Variants in GLT1D1 observed in about 807,000 individuals in gnomAD.
GLT1D1 encodes the protein glycosyltransferase 1 domain-containing protein 1.
In GLT1D1, 21 loss-of-function variants were observed where a neutral mutation model predicts 28.7. The ratio of observed to expected loss-of-function variants is 0.73; its 90% CI spans 0.52 to 1.05. GLT1D1 has a LOEUF of 1.05. GLT1D1 is among the 50% of genes least tolerant of loss of function. The probability of loss-of-function intolerance (pLI) is 0.00; values close to 1 mark genes in which losing one functional copy is unlikely to be tolerated. For synonymous variants in GLT1D1, 147 were observed against 124.8 expected (o/e 1.18, Z -1.19); for missense variants, 343 against 330.6 (o/e 1.04, Z -0.29).
At chr12:128,960,115 T>A (rs11060042) in intron 7 of GLT1D1, among the ~76,000 whole-genome samples, 3,008 of 152,330 alleles carry the variant, frequency 0.02, 49 homozygotes, top group East Asian at 0.085. Context: ...GACACGACTC[T>A]GCGGCACTCA....
chr12:128,927,303 A>C, intron 4 of GLT1D1, 149 bp downstream of exon 8: 2 of 597,016 alleles, frequency 3.3e-6, no homozygotes, highest in Non-Finnish European at 5.8e-6. Flanking sequence ...CAGTGGCGTG[A>C]TCTCGGCTCA....
chr12:128,918,007 G>C (rs1020973391), intron 4 of GLT1D1, among the ~76,000 whole-genome samples: 5 of 152,146 alleles, frequency 3.3e-5, no homozygotes, highest in African/African-American at 7.2e-5. Context: ...ATACATGCAC[G>C]TGTATGTTCA....
At chr12:128,950,422 A>T (rs1876576250) in intron 6 of GLT1D1, among the ~76,000 whole-genome samples, 1 of 152,206 alleles carries the variant, frequency 6.6e-6, no homozygotes, top group South Asian at 2.1e-4. Flanking sequence ...TGCTGTGGGC[A>T]CGTGTAGCCC....
chr12:128,876,709 A>G (rs899203518), intron 2 of GLT1D1, among the ~76,000 whole-genome samples: 1 of 152,234 alleles, frequency 6.6e-6, no homozygotes, highest in Non-Finnish European at 1.5e-5. Flanking sequence ...CAACCCATCA[A>G]TTTATGAGGA....
intron 4 of GLT1D1, among the ~76,000 whole-genome samples, chr12:128,908,323 C>CTTCTTTCCTTCT (rs1555266863): frequency 1.4e-5 from 2 of 147,452 alleles, no homozygotes; most frequent in African/African-American, 5.1e-5. Flanking sequence ...TTTTACTTTC[C>CTTCTTTCCTTCT]TTCTTTCTTT....
At chr12:128,922,162 C>CTGTG (rs57835879) in intron 4 of GLT1D1, among the ~76,000 whole-genome samples, 5,019 of 148,754 alleles carry the variant, frequency 0.034, 256 homozygotes, top group African/African-American at 0.12. Flanking sequence ...TATGTAAACT[C>CTGTG]TGTGTGTGTG....
rs1397894974 is a variant in GLT1D1 at position 128,942,735 on chromosome 12, G to GTTTTTTTTTTTTTTTTTT, written c.376-2588_376-2587insTTTTTTTTTTTTTTTTTT. ...ATCACTTTAGATTCCAATTTTCTTT[G>GTTTTTTTTTTTTTTTTTT]TTTGTTTGTTTTTGTTTTTTGTTTT... On this transcript the variant is annotated intron_variant, in intron 4 of 7. Transcript: ENST00000281703. Among the ~76,000 whole-genome samples the GTTTTTTTTTTTTTTTTTT allele has an allele frequency of 2.5e-4, 22 of 89,558 alleles. 6 individuals carry two copies. The highest frequency in any genetic ancestry group is 8.6e-4 in the African/African-American group (20 of 23,158). The allele number at this position is 89,558 out of a possible 152,430, so 58.8% of individuals were successfully genotyped here. A position where few individuals can be genotyped will look rare whatever the true frequency, so the allele number is the denominator to read the frequency against.
intron 4 of GLT1D1, among the ~76,000 whole-genome samples, chr12:128,922,870 C>T (rs1383226039): frequency 7.1e-6 from 1 of 141,102 alleles, no homozygotes; most frequent in Non-Finnish European, 1.5e-5. Flanking sequence ...TTGCAGTGAG[C>T]CGAGAACGCA....
chr12:128,886,659 T>G (rs1006637997), intron 2 of GLT1D1, among the ~76,000 whole-genome samples: 2 of 152,064 alleles, frequency 1.3e-5, no homozygotes, highest in African/African-American at 4.8e-5. Flanking sequence ...TGAACTTGAT[T>G]CTCTGGCCTC....
intron 7 of GLT1D1, among the ~76,000 whole-genome samples, chr12:128,977,413 G>A (rs1879868290): frequency 6.6e-6 from 1 of 152,132 alleles, no homozygotes. Flanking sequence ...CACACCTGTG[G>A]CCCTGGACCT....
At chr12:128,969,853 C>T (rs1157355824) in intron 7 of GLT1D1, among the ~76,000 whole-genome samples, 1 of 152,166 alleles carries the variant, frequency 6.6e-6, no homozygotes, top group Non-Finnish European at 1.5e-5. Flanking sequence ...GTGGGTGCAC[C>T]TGTTGCTCTG....
chr12:128,958,853 T>TTTA (rs1491346238), intron 7 of GLT1D1, among the ~76,000 whole-genome samples: 3 of 77,988 alleles, frequency 3.8e-5, no homozygotes, highest in Non-Finnish European at 7.7e-5. Flanking sequence ...TTTTTTTTTT[T>TTTA]ATGAGACAGG....
rs150270199 is a variant in GLT1D1, at chr12:128,956,429, T to C, written c.541-1116T>C. ...TATATTGTTGCTGAAATATGGTTTTTACTGAACATGTATTGCTTTTGCAGC... is the reference window on the plus strand; with the variant it reads ...TATATTGTTGCTGAAATATGGTTTTCACTGAACATGTATTGCTTTTGCAGC... On this transcript the variant is annotated intron_variant, in intron 6 of 7. Transcript: ENST00000281703. Among the ~76,000 whole-genome samples the C allele has an allele frequency of 7.6e-3, 1,161 of 152,318 alleles. 15 individuals carry two copies. Among genetic ancestry groups the C allele is most frequent in the Non-Finnish European group, 8.7e-3 (589 of 68,020 alleles).
At chr12:128,934,772 A>G (rs1180421044) in intron 4 of GLT1D1, among the ~76,000 whole-genome samples, 2 of 152,218 alleles carry the variant, frequency 1.3e-5, no homozygotes, top group African/African-American at 4.8e-5. Context: ...AGAGGCCAGG[A>G]TGTCGCGTCA....
chr12:128,928,025 A>AAAAC (rs1873455137), intron 4 of GLT1D1, among the ~76,000 whole-genome samples: 1 of 145,816 alleles, frequency 6.9e-6, no homozygotes, highest in Non-Finnish European at 1.5e-5. Context: ...AAAAAAAAAA[A>AAAAC]CAAAAAAGAA....
chr12:128,942,739 G>GC (rs1875455849), intron 4 of GLT1D1, among the ~76,000 whole-genome samples: 1 of 102,482 alleles, frequency 9.8e-6, no homozygotes, highest in Non-Finnish European at 1.8e-5. Flanking sequence ...TTCTTTGTTT[G>GC]TTTGTTTTTG....
chr12:128,953,814 C>T (rs1322896584), intron 6 of GLT1D1, among the ~76,000 whole-genome samples: 1 of 151,512 alleles, frequency 6.6e-6, no homozygotes, highest in Non-Finnish European at 1.5e-5. Flanking sequence ...GACGCAATCT[C>T]GGCTCACTGC....
intron 7 of GLT1D1, among the ~76,000 whole-genome samples, chr12:128,957,968 T>C (rs1877466462): frequency 6.6e-6 from 1 of 152,264 alleles, no homozygotes; most frequent in Non-Finnish European, 1.5e-5. Context: ...TTATGGAACA[T>C]CTGCTGGCTT....
chr12:128,879,708 C>T lies in GLT1D1; in HGVS notation c.217+3646C>T, dbSNP rs777180240. 9.2e-5 allele frequency among the ~76,000 whole-genome samples: 14 copies of T among 152,224 alleles called. No individual in the cohort carries two copies. The East Asian group carries it at 9.7e-4, about 11-fold the overall frequency. On this transcript the variant is annotated intron_variant, in intron 2 of 7. Coordinates refer to ENST00000281703, the MANE Select transcript of GLT1D1 (RefSeq NM_144669.3). ...CTGGCTTAAAGTTGTTTGCCCGCCT[C>T]GGCCTCCCAAAGTGCTGGGATTACA...
Sources: allele counts gnomAD v4.1 joint callset (sites outside exome capture counted in the v4.1 genomes callset), GRCh38; gene constraint gnomAD v4.1.1; transcripts MANE v1.5; gene names NCBI Gene and HGNC (gene_info 2026-07-23, HGNC 2026-07-21).